Variants in CAST observed in about 807,000 individuals in gnomAD.
The protein encoded by CAST is MIR583 host.
Under a neutral mutation model 119.6 loss-of-function variants are expected in CAST, and 76 were observed. That is an observed-to-expected ratio of 0.64 (90% CI 0.53 to 0.77). The LOEUF (loss-of-function observed/expected upper bound fraction) is 0.77. CAST is among the 30% of genes least tolerant of loss of function. The pLI is 0.00. For missense variants in CAST, 953 were observed against 946.5 expected, an observed-to-expected ratio of 1.01 and a Z score of -0.09; for synonymous variants, 319 against 331.6, an observed-to-expected ratio of 0.96 and a Z score of 0.41.
the CAST span, among the ~76,000 whole-genome samples, chr5:96,070,917 G>A: frequency 1.3e-5 from 2 of 152,132 alleles, no homozygotes; most frequent in African/African-American, 4.8e-5. Context: ...GGAGGTATAA[G>A]GAGAATCCAA....
upstream of CAST, among the ~76,000 whole-genome samples, chr5:96,526,310 A>G (rs1745596410): frequency 6.6e-6 from 1 of 152,164 alleles, no homozygotes; most frequent in Non-Finnish European, 1.5e-5. Context: ...GGATTTGGAG[A>G]GCAGGGAGGA....
the CAST span, among the ~76,000 whole-genome samples, chr5:96,126,873 A>G: frequency 6.6e-6 from 1 of 152,158 alleles, no homozygotes; most frequent in Non-Finnish European, 1.5e-5. Flanking sequence ...GAAATTAGAA[A>G]GTCATATTTT....
chr5:96,761,252 A>G (rs1412665784), intron 24 of CAST: 1 of 152,234 alleles, frequency 6.6e-6, no homozygotes, highest in East Asian at 1.9e-4. Context: ...AAGAGACAAT[A>G]CAAATGTTTC....
chr5:96,402,666 G>T, the CAST span, among the ~76,000 whole-genome samples: 1 of 152,064 alleles, frequency 6.6e-6, no homozygotes, highest in Admixed American at 6.6e-5. Flanking sequence ...TGTTTTCTCC[G>T]GTTTCAGACT....
chr5:96,188,648 C>T, the CAST span, among the ~76,000 whole-genome samples: 1 of 152,026 alleles, frequency 6.6e-6, no homozygotes, highest in African/African-American at 2.4e-5. Context: ...CTTTAATATC[C>T]ATCAGCTATA....
chr5:96,089,870 T>G, the CAST span, among the ~76,000 whole-genome samples: 1 of 152,214 alleles, frequency 6.6e-6, no homozygotes, highest in South Asian at 2.1e-4. Flanking sequence ...AAGATGTTGA[T>G]TTTTTATCTT....
chr5:95,961,561 G>A, the CAST span: 6 of 1,569,624 alleles, frequency 3.8e-6, 1 homozygote, highest in South Asian at 5.8e-5. Context: ...CAGCCTGCCG[G>A]CCGGCCCGCT....
intron 1 of CAST, among the ~76,000 whole-genome samples, chr5:96,634,591 A>G (rs945359474): frequency 1.3e-5 from 2 of 152,212 alleles, no homozygotes; most frequent in Non-Finnish European, 2.9e-5. Flanking sequence ...CTGGATGCCT[A>G]CATGAAAATG....
At chr5:96,060,333 T>C in the CAST span, among the ~76,000 whole-genome samples, 1 of 152,118 alleles carries the variant, frequency 6.6e-6, no homozygotes, top group African/African-American at 2.4e-5. Context: ...GAACAATAAA[T>C]GGCAAGTATG....
the CAST span, among the ~76,000 whole-genome samples, chr5:96,475,038 C>T: frequency 1.3e-5 from 2 of 152,208 alleles, no homozygotes; most frequent in African/African-American, 4.8e-5. Context: ...CTCTCCTGTT[C>T]TCTTGCCCTT....
chr5:96,197,563 A>C, the CAST span, among the ~76,000 whole-genome samples: 2 of 152,132 alleles, frequency 1.3e-5, no homozygotes, highest in Non-Finnish European at 1.5e-5. Context: ...TTCTTTTTTT[A>C]AAAGGGAAGT....
At chr5:96,159,411 T>A in the CAST span, among the ~76,000 whole-genome samples, 3 of 152,186 alleles carry the variant, frequency 2.0e-5, no homozygotes, top group African/African-American at 7.2e-5. Flanking sequence ...TTTTAAATTA[T>A]AAAAGTGACT....
chr5:96,430,742 G>C, the CAST span, among the ~76,000 whole-genome samples: 1 of 152,244 alleles, frequency 6.6e-6, no homozygotes, highest in South Asian at 2.1e-4. Flanking sequence ...TAAAACTTTT[G>C]TTAGTAATGC....
intron 1 of CAST, among the ~76,000 whole-genome samples, chr5:96,606,455 G>GA (rs77722777): frequency 6.6e-6 from 1 of 152,212 alleles, no homozygotes; most frequent in East Asian, 1.9e-4. Context: ...GCTGGATGCA[G>GA]AAAGAGCCAG....
chr5:96,597,481 T>A (rs1213752213), intron 1 of CAST, among the ~76,000 whole-genome samples: 1 of 152,206 alleles, frequency 6.6e-6, no homozygotes, highest in Non-Finnish European at 1.5e-5. Context: ...CCCAGCTACA[T>A]GAAGTGCCTA....
the CAST span, among the ~76,000 whole-genome samples, chr5:96,462,544 A>G: frequency 6.6e-6 from 1 of 152,132 alleles, no homozygotes; most frequent in Non-Finnish European, 1.5e-5. Context: ...CATACAGTAA[A>G]TAATCAATAA....
the CAST span, among the ~76,000 whole-genome samples, chr5:96,115,582 G>C: frequency 6.6e-6 from 1 of 152,286 alleles, no homozygotes; most frequent in Admixed American, 6.5e-5. Context: ...ATAGCAGTCT[G>C]GTTCCAGAGT....
At chr5:96,169,992 G>A in the CAST span, among the ~76,000 whole-genome samples, 1 of 152,158 alleles carries the variant, frequency 6.6e-6, no homozygotes, top group Admixed American at 6.5e-5. Flanking sequence ...CAGTTATGGA[G>A]GCAAAGGAAC....
the CAST span, among the ~76,000 whole-genome samples, chr5:95,964,468 T>C: frequency 6.6e-6 from 1 of 152,148 alleles, no homozygotes; most frequent in Non-Finnish European, 1.5e-5. Flanking sequence ...AGTGAACCAG[T>C]ATAGTCAAAG....
Sources: gnomAD v4.1 joint callset for allele counts (sites outside exome capture counted in the v4.1 genomes callset) on GRCh38, gnomAD v4.1.1 for gene constraint, MANE v1.5 for transcripts, NCBI Gene and HGNC (gene_info 2026-07-23, HGNC 2026-07-21) for gene names.